The following CCDC13 variants were observed in gnomAD, a reference collection of about 807,000 sequenced individuals.
CCDC13 encodes coiled-coil domain containing 13, also known as coiled-coil domain-containing protein 13.
In CCDC13, 70 loss-of-function variants were observed where a neutral mutation model predicts 87.3. That is an observed-to-expected ratio of 0.80 (90% confidence interval 0.66 to 0.98). The LOEUF (loss-of-function observed/expected upper bound fraction) is 0.98. CCDC13 is among the 50% of genes least tolerant of loss of function. The pLI is 0.00. For synonymous variants in CCDC13, 317 were observed against 360.3 expected (o/e 0.88, Z 1.36); for missense variants, 842 against 892.0 (o/e 0.94, Z 0.71).
At position 42,707,534 on chromosome 3, in the gene CCDC13, A is replaced by G. The variant is rs981313608; in HGVS notation, c.*1446T>C. On this transcript the variant is annotated 3_prime_UTR_variant, in exon 16 of 16. Coordinates refer to ENST00000310232, the MANE Select transcript of CCDC13 (RefSeq NM_144719.4). ...GAGAAGACAGGGTCCCAGGAGCCGC[A>G]GTGGCTTTTCCAAGGAAGGAGCTGA... Among the ~76,000 whole-genome samples the G allele has an allele frequency of 6.6e-6, 1 of 152,194 alleles. No homozygotes were observed. Among genetic ancestry groups the G allele is most frequent in the African/African-American group, 2.4e-5 (1 of 41,454 alleles).
chr3:42,719,382 C>CCTCTCTCT (rs71072728), intron 13 of CCDC13: 1 of 52,382 alleles, frequency 1.9e-5, no homozygotes, highest in Non-Finnish European at 4.0e-5. Flanking sequence ...GCAGTGCTTT[C>CCTCTCTCT]CTCTCTCTCT....
rs1698194486 is a variant in CCDC13, at chr3:42,706,965, C to A, written c.*2015G>T. Among the ~76,000 whole-genome samples the A allele has an allele frequency of 6.6e-6, 1 of 152,232 alleles. No homozygotes were observed. The highest frequency in any genetic ancestry group is 2.1e-4 in the South Asian group (1 of 4,830). On this transcript the variant is annotated 3_prime_UTR_variant, in exon 16 of 16. Transcript: ENST00000310232. ...CCAGGCAGCCCCACCTGTCCAGACT[C>A]CATGACCTAATGCTCCTTCCTTTCT...
rs552709032 is a variant in CCDC13, at chr3:42,728,415, C to T, written c.1718+2052G>A. Among the ~76,000 whole-genome samples the T allele has an allele frequency of 2.9e-5, 4 of 138,392 alleles. No individual in the cohort carries two copies. In the South Asian group the frequency reaches 9.6e-4, roughly 33 times the overall value. The allele number at this position is 138,392 out of a possible 152,430, so 90.8% of individuals were successfully genotyped here. A position where few individuals can be genotyped will look rare whatever the true frequency, so the allele number is the denominator to read the frequency against. Reference sequence around the variant, plus strand: ...CCCCCCCACCCTCCCCTGTGCAAGGCTGGGACAGACTCTGCAGATAAAGAA... The same window carrying T: ...CCCCCCCACCCTCCCCTGTGCAAGGTTGGGACAGACTCTGCAGATAAAGAA... On this transcript the variant is annotated intron_variant, in intron 13 of 15. Coordinates refer to ENST00000310232, the MANE Select transcript of CCDC13 (RefSeq NM_144719.4).
At chr3:42,739,963 C>T (rs776331867) in intron 8 of CCDC13, among the ~76,000 whole-genome samples, 153 bp from the exon 9 acceptor site, 4 of 152,120 alleles carry the variant, frequency 2.6e-5, no homozygotes, top group Admixed American at 6.5e-5. Context: ...AGGGCCCTGA[C>T]TCCCAGCCCA....
In CCDC13 at chr3:42,728,804, C is replaced by T. The variant is rs533148187; in HGVS notation, c.1718+1663G>A. On this transcript the variant is annotated intron_variant, in intron 13 of 15. Coordinates refer to ENST00000310232, the MANE Select transcript of CCDC13 (RefSeq NM_144719.4). ...AGAGCCCCAACACCCCAGGATGACA[C>T]AGAGTAGCAGGAGGAACCCAAGGAC... Among the ~76,000 whole-genome samples, 38 of 152,246 alleles carry T rather than the reference C, an allele frequency of 2.5e-4. No individual in the cohort carries two copies. The South Asian group carries it at 7.7e-3, about 31-fold the overall frequency.
chr3:42,749,715 G>T (rs1391233064), intron 5 of CCDC13: 1 of 354,528 alleles, frequency 2.8e-6, no homozygotes. Context: ...CTTTGTGGGG[G>T]ACCTGGGTAT....
At chr3:42,728,045 T>C (rs1002498377) in intron 13 of CCDC13, among the ~76,000 whole-genome samples, 5 of 152,236 alleles carry the variant, frequency 3.3e-5, no homozygotes, top group African/African-American at 1.2e-4. Context: ...AAGAGACATA[T>C]TTAGTGACTT....
At chr3:42,752,893 C>T (rs907812595) in intron 3 of CCDC13, among the ~76,000 whole-genome samples, 176 bp from the exon 4 acceptor site, 1 of 152,152 alleles carries the variant, frequency 6.6e-6, no homozygotes, top group African/African-American at 2.4e-5. Flanking sequence ...GACCCAACTC[C>T]AATGAGTGGA....
At chr3:42,715,479 G>T (rs1268428521) in intron 13 of CCDC13, among the ~76,000 whole-genome samples, 3 of 152,100 alleles carry the variant, frequency 2.0e-5, no homozygotes, top group African/African-American at 7.2e-5. Context: ...TGGCACGGTG[G>T]CGTGTGCTTG....
At chr3:42,759,961 A>G (rs1575332559) in intron 1 of CCDC13, among the ~76,000 whole-genome samples, 1 of 152,178 alleles carries the variant, frequency 6.6e-6, no homozygotes, top group East Asian at 1.9e-4. Flanking sequence ...CATTTAGGCT[A>G]GTCAGTCTAA....
At chr3:42,766,612 A>AG (rs1699938233) in intron 1 of CCDC13, among the ~76,000 whole-genome samples, 1 of 151,048 alleles carries the variant, frequency 6.6e-6, no homozygotes, top group South Asian at 2.1e-4. Flanking sequence ...CTCAAAGAAA[A>AG]AAAAAAAAAA....
chr3:42,740,463 A>G (rs1699179611), intron 8 of CCDC13, among the ~76,000 whole-genome samples: 1 of 152,156 alleles, frequency 6.6e-6, no homozygotes, highest in Non-Finnish European at 1.5e-5. Flanking sequence ...AGGGCCTACT[A>G]TGGGCTTAGT....
chr3:42,771,432 G>A (rs547836399), intron 1 of CCDC13, among the ~76,000 whole-genome samples: 2 of 152,204 alleles, frequency 1.3e-5, no homozygotes, highest in South Asian at 4.1e-4. Context: ...TACACATTTA[G>A]CAAAACTTGT....
Position 42,708,895 on chromosome 3 carries a change from G to C in CCDC13, c.*85C>G. 1 of 1,416,260 alleles carries C rather than the reference G, an allele frequency of 7.1e-7. No individual in the cohort carries two copies. The highest frequency in any genetic ancestry group is 9.4e-7 in the Non-Finnish European group (1 of 1,066,264). 87.7% of individuals were successfully genotyped at this position (1,416,260 alleles called of 1,614,324 possible). On this transcript the variant is annotated 3_prime_UTR_variant, in exon 16 of 16. Transcript: ENST00000310232. ...GCTGGCTGCCCTGGGCTGGCTTCCC[G>C]GAGCAGATGGAGTCCTCAGACAGAG...
In CCDC13 at chr3:42,735,828, T is replaced by C; in HGVS notation, c.1250A>G (p.Gln417Arg). The C allele has an allele frequency of 2.5e-6, 4 of 1,614,262 alleles. No homozygotes were observed. In the East Asian group the frequency reaches 8.9e-5, roughly 36 times the overall value. Residue 417 changes from glutamine (Q) to arginine (R), a missense_variant, in exon 10 of 16, where the codon CAG (glutamine) becomes CGG (arginine). Coordinates refer to ENST00000310232, the MANE Select transcript of CCDC13 (RefSeq NM_144719.4). ...KTRVSQHHLDQQLNSEAQRSN... is the reference protein window; with the variant it reads ...KTRVSQHHLDRQLNSEAQRSN... ...CCGCTGAGCCTCGCTGTTCAGTTGC[T>C]GGTCCAGGTGGTGCTGGGACACTCG...
intron 13 of CCDC13, among the ~76,000 whole-genome samples, chr3:42,714,742 A>G (rs532329851): frequency 6.6e-6 from 1 of 152,382 alleles, no homozygotes; most frequent in East Asian, 1.9e-4. Context: ...CAGAATGACA[A>G]CAATTTTGAA....
chr3:42,732,487 G>A (rs1698865644), intron 12 of CCDC13: 2 of 213,802 alleles, frequency 9.4e-6, no homozygotes, highest in East Asian at 2.4e-4. Context: ...ACACCCTCTG[G>A]CTTGATTCTG....
intron 6 of CCDC13, chr3:42,746,928 C>T: frequency 2.3e-6 from 1 of 440,814 alleles, no homozygotes; most frequent in Non-Finnish European, 4.2e-6. Flanking sequence ...TCTACTGGGG[C>T]ACAAGTAGTG....
intron 11 of CCDC13, 26 bp from the exon 12 acceptor site, chr3:42,732,996 C>A: frequency 6.5e-7 from 1 of 1,546,658 alleles, no homozygotes; most frequent in South Asian, 1.2e-5. Context: ...AGGGGCCCAT[C>A]AGCCTGGGAA....
Sources: allele counts gnomAD v4.1 joint callset (sites outside exome capture counted in the v4.1 genomes callset), GRCh38; gene constraint gnomAD v4.1.1; transcripts MANE v1.5; gene names NCBI Gene and HGNC (gene_info 2026-07-23, HGNC 2026-07-21).